C16orf46: variants seen among roughly 807,000 people sequenced by gnomAD.
The protein encoded by C16orf46 is chromosome 16 open reading frame 46, also known as uncharacterized protein C16orf46.
Under a neutral mutation model 5.5 loss-of-function variants are expected in C16orf46, and 7 were observed. The ratio of observed to expected loss-of-function variants is 1.28; its 90% confidence interval spans 0.73 to 2.40. The LOEUF (loss-of-function observed/expected upper bound fraction) is 2.40, where lower values mean the gene tolerates loss of function less well. C16orf46 is among the 30% of genes most tolerant of loss of function. C16orf46 has a pLI of 0.00. For synonymous variants in C16orf46, 200 were observed against 184.1 expected (o/e 1.09, Z -0.70); for missense variants, 614 against 476.0 (o/e 1.29, Z -2.70).
chr16:81,062,024 A>G lies in C16orf46; in HGVS notation c.325T>C (p.Ser109Pro). Residue 109 changes from serine (S) to proline (P), a missense_variant, in exon 4 of 4, where the codon TCC becomes CCC. Transcript: ENST00000299578. Reference sequence around the variant, plus strand: ...GGCTTGGTCTGGAGGCTCCAGTGGGAGAGGTTAACACACACCAAGCAGTCG... The same window carrying G: ...GGCTTGGTCTGGAGGCTCCAGTGGGGGAGGTTAACACACACCAAGCAGTCG... ...CSDCLVCVNL[S>P]HWSLQTKPPT... 6.2e-7 allele frequency: 1 copy of G among 1,613,932 alleles called. No homozygotes were observed. Among genetic ancestry groups the G allele is most frequent in the African/African-American group, 1.3e-5 (1 of 75,036 alleles).
chr16:81,069,257 T>A (rs1418877122), intron 1 of C16orf46, among the ~76,000 whole-genome samples: 1 of 152,152 alleles, frequency 6.6e-6, no homozygotes, highest in Non-Finnish European at 1.5e-5. Flanking sequence ...CAGGCAAGGA[T>A]AGGCTGCAGT....
intron 2 of C16orf46, among the ~76,000 whole-genome samples, 152 bp downstream of exon 2, chr16:81,066,041 G>C (rs974835225): frequency 1.9e-4 from 29 of 150,796 alleles, no homozygotes; most frequent in African/African-American, 6.8e-4. Context: ...GTGAGTCACC[G>C]TGCCTGGCCA....
At chr16:81,063,661 A>T in intron 3 of C16orf46, 85 bp downstream of exon 3, 2 of 1,179,284 alleles carry the variant, frequency 1.7e-6, no homozygotes, top group Admixed American at 4.4e-5. Flanking sequence ...TTTTGGTAAT[A>T]TTAACTATTT....
chr16:81,062,650 G>T (rs1971527141), intron 3 of C16orf46, among the ~76,000 whole-genome samples: 1 of 152,166 alleles, frequency 6.6e-6, no homozygotes, highest in African/African-American at 2.4e-5. Flanking sequence ...CCGAGGAGCA[G>T]AGGCAGGTCC....
At chr16:81,056,695 CAAAAAAAAAAA>C (rs10539282), downstream of C16orf46, among the ~76,000 whole-genome samples, 1 of 85,604 alleles carries the variant, frequency 1.2e-5, no homozygotes, top group Non-Finnish European at 2.4e-5. Context: ...GACTCCGTCT[CAAAAAAAAAAA>C]AAAAAAAAAA....
chr16:81,075,576 T>C (rs4889227), intron 1 of C16orf46, among the ~76,000 whole-genome samples: 128,443 of 152,152 alleles, frequency 0.84, 54,852 homozygotes, highest in Non-Finnish European at 0.92. Flanking sequence ...GGTAACAGGG[T>C]GAGACTGTCT....
Position 81,054,015 on chromosome 16 carries a change from T to C in C16orf46, c.*56A>G. 1.0e-5 allele frequency: 16 copies of C among 1,553,316 alleles called. 1 individual carries two copies. In the South Asian group the frequency reaches 1.3e-4, roughly 13 times the overall value. Reference sequence around the variant, plus strand: ...GTCCTGGGTGAAATATTTGCTTTTATGATTACATCTCAACCGTGTTGCTGC... The same window carrying C: ...GTCCTGGGTGAAATATTTGCTTTTACGATTACATCTCAACCGTGTTGCTGC... On this transcript the variant is annotated 3_prime_UTR_variant, in exon 4 of 4. Coordinates refer to the C16orf46 transcript ENST00000378611.
At chr16:81,057,538 C>CAAAAAAAAAA (rs11289785), downstream of C16orf46, among the ~76,000 whole-genome samples, 1 of 112,340 alleles carries the variant, frequency 8.9e-6, no homozygotes, top group African/African-American at 3.2e-5. Flanking sequence ...GACTCTGTCT[C>CAAAAAAAAAA]AAAAAAAAAA....
At chr16:81,071,360 C>A (rs804902) in intron 1 of C16orf46, among the ~76,000 whole-genome samples, 1 of 152,110 alleles carries the variant, frequency 6.6e-6, no homozygotes, top group East Asian at 1.9e-4. Context: ...AAAATCTAAT[C>A]GCTGCAGGGG....
At chr16:81,065,169 C>A (rs1567576137) in intron 2 of C16orf46, among the ~76,000 whole-genome samples, 1 of 152,096 alleles carries the variant, frequency 6.6e-6, no homozygotes, top group Non-Finnish European at 1.5e-5. Flanking sequence ...TCTGTTTGCT[C>A]ATCTATAAAA....
chr16:81,057,887 G>T (rs1971348693), downstream of C16orf46: 1 of 152,922 alleles, frequency 6.5e-6, no homozygotes, highest in Admixed American at 6.6e-5. Context: ...AAAATTAGCT[G>T]GGCACAGTGG....
Position 81,077,190 on chromosome 16 carries a change from A to G in C16orf46, c.-182T>C, listed in dbSNP as rs1405862351. ...AGACAGCTAGTCCCGGCCTACTGGC[A>G]AGAGCTACTCAGGTCGCTGCCGGAT... On this transcript the variant is annotated 5_prime_UTR_variant, in exon 1 of 4. Transcript: ENST00000299578. 6.6e-6 allele frequency: 1 copy of G among 152,332 alleles called. No individual in the cohort carries two copies. The highest frequency in any genetic ancestry group is 2.4e-5 in the African/African-American group (1 of 41,472). 9.4% of individuals were successfully genotyped at this position (152,332 alleles called of 1,614,324 possible). A position where few individuals can be genotyped will look rare whatever the true frequency, so the allele number is the denominator to read the frequency against.
chr16:81,075,410 T>C (rs1972002777), intron 1 of C16orf46, among the ~76,000 whole-genome samples: 1 of 152,116 alleles, frequency 6.6e-6, no homozygotes, highest in African/African-American at 2.4e-5. Flanking sequence ...GCCAATATGA[T>C]GAAACCCCAT....
intron 1 of C16orf46, among the ~76,000 whole-genome samples, chr16:81,076,247 T>C (rs890827570): frequency 6.6e-6 from 1 of 152,198 alleles, no homozygotes; most frequent in African/African-American, 2.4e-5. Flanking sequence ...TGACACAGTT[T>C]CTACAGGAAA....
intron 1 of C16orf46, among the ~76,000 whole-genome samples, chr16:81,071,721 T>TA (rs368847293): frequency 1.4e-3 from 210 of 150,174 alleles, no homozygotes; most frequent in African/African-American, 4.6e-3. Context: ...ACCCCAAAAA[T>TA]AAAAAAAAAT....
chr16:81,055,746 C>A (rs1473277431), intron 3 of C16orf46, among the ~76,000 whole-genome samples: 1 of 152,106 alleles, frequency 6.6e-6, no homozygotes, highest in Non-Finnish European at 1.5e-5. Flanking sequence ...TTGAGACGGA[C>A]TGTCGCTCTG....
At chr16:81,067,592 G>A (rs1971689628) in intron 1 of C16orf46, among the ~76,000 whole-genome samples, 1 of 152,156 alleles carries the variant, frequency 6.6e-6, no homozygotes, top group African/African-American at 2.4e-5. Context: ...TCGCTCTGTT[G>A]CCCAGGTTGG....
chr16:81,063,733 G>T lies in C16orf46; in HGVS notation c.210+13C>A. 6.2e-7 allele frequency: 1 copy of T among 1,603,102 alleles called. No homozygotes were observed. Among genetic ancestry groups the T allele is most frequent in the South Asian group, 1.1e-5 (1 of 90,638 alleles). On this transcript the variant is annotated intron_variant, in intron 3 of 3. Coordinates refer to ENST00000299578, the MANE Select transcript of C16orf46 (RefSeq NM_152337.3). ...CGAGAGACAGAAAAGCTGTGACTCA[G>T]AAAGATACTCACTGCCTCTTCCCAT...
chr16:81,060,010 G>C (rs942400428), downstream of C16orf46, among the ~76,000 whole-genome samples: 1 of 151,756 alleles, frequency 6.6e-6, no homozygotes, highest in African/African-American at 2.4e-5. Flanking sequence ...GGATGGTCTC[G>C]ATCTCCTGAC....
Sources: allele counts gnomAD v4.1 joint callset (sites outside exome capture counted in the v4.1 genomes callset), GRCh38; gene constraint gnomAD v4.1.1; transcripts MANE v1.5; gene names NCBI Gene and HGNC (gene_info 2026-07-23, HGNC 2026-07-21).